GREP1: variants seen among roughly 807,000 people sequenced by gnomAD.
The protein encoded by GREP1 is glycine rich extracellular protein 1.
intron 13 of GREP1, 96 bp downstream of exon 14, chr16:2,995,058 G>A: frequency 2.5e-6 from 1 of 398,354 alleles, no homozygotes; most frequent in Non-Finnish European, 4.4e-6. Flanking sequence ...GGGTGACGGG[G>A]CGTCTCCAAG....
At position 2,993,525 on chromosome 16, in the gene GREP1, G is replaced by T. The variant is rs1389269459; in HGVS notation, c.385+562G>T. The T allele has an allele frequency of 2.0e-5, 3 of 152,030 alleles. No individual in the cohort carries two copies. The East Asian group carries it at 5.8e-4, about 29-fold the overall frequency. 9.4% of individuals were successfully genotyped at this position (152,030 alleles called of 1,614,324 possible). A position where few individuals can be genotyped will look rare whatever the true frequency, so the allele number is the denominator to read the frequency against. ...TCTACAAAAAAAAAAAACCTAGCCA[G>T]TTGTGGTGGCACGTGCCTGTAGTCC... On this transcript the variant is annotated intron_variant, in intron 10 of 34. Transcript: ENST00000573315.
In GREP1 at chr16:2,991,204, G is replaced by A; in HGVS notation, c.322+103G>A. 2 of 398,606 alleles carry A rather than the reference G, an allele frequency of 5.0e-6. No individual in the cohort carries two copies. The highest frequency in any genetic ancestry group is 8.9e-6 in the Non-Finnish European group (2 of 225,986). 24.7% of individuals were successfully genotyped at this position (398,606 alleles called of 1,614,324 possible). A position where few individuals can be genotyped will look rare whatever the true frequency, so the allele number is the denominator to read the frequency against. On this transcript the variant is annotated intron_variant, in intron 8 of 34. Transcript: ENST00000573315. This position sits in a 1 kb window ranked among gnomAD's most constrained non-coding sequence, Gnocchi z 4.9. ...GGAGCTGGGAGAGCTGGGCTCTGGA[G>A]GGAGGGCAGGGCTCAGCCACTCTGT... is the stretch of plus-strand genomic sequence containing the variant.
In GREP1 at chr16:2,991,335, C is replaced by T; in HGVS notation, c.322+234C>T. The T allele has an allele frequency of 2.6e-6, 1 of 384,096 alleles. No homozygotes were observed. The highest frequency in any genetic ancestry group is 4.6e-6 in the Non-Finnish European group (1 of 217,526). 23.8% of individuals were successfully genotyped at this position (384,096 alleles called of 1,614,324 possible). On this transcript the variant is annotated intron_variant, in intron 8 of 34. Coordinates refer to ENST00000573315, the Ensembl canonical transcript of GREP1. The surrounding 1 kb of genome is among the most constrained non-coding windows in gnomAD (Gnocchi z 4.9). ...CCAGGCGCCTCTGGGTCCCTCAAGC[C>T]TGCCCACCCCACCGCTCATGGCCCT... is the stretch of plus-strand genomic sequence containing the variant.
Position 2,991,311 on chromosome 16 carries a change from C to T in GREP1, c.322+210C>T, listed in dbSNP as rs1326283637. 3 of 391,040 alleles carry T rather than the reference C, an allele frequency of 7.7e-6. No homozygotes were observed. The highest frequency in any genetic ancestry group is 1.4e-5 in the Non-Finnish European group (3 of 221,974). The allele number at this position is 391,040 out of a possible 1,614,324, so 24.2% of individuals were successfully genotyped here. On this transcript the variant is annotated intron_variant, in intron 8 of 34. Coordinates refer to ENST00000573315, the Ensembl canonical transcript of GREP1. This position sits in a 1 kb window ranked among gnomAD's most constrained non-coding sequence, Gnocchi z 4.9. ...CTGCCCCGCCTTGCCCACTTATATC[C>T]AGGCGCCTCTGGGTCCCTCAAGCCT... is the stretch of plus-strand genomic sequence containing the variant.
In GREP1 at chr16:2,992,208, C is replaced by G. The variant is rs2072402775; in HGVS notation, c.323-597C>G. 1 of 152,276 alleles carries G rather than the reference C, an allele frequency of 6.6e-6. No homozygotes were observed. 9.4% of individuals were successfully genotyped at this position (152,276 alleles called of 1,614,324 possible). A position where few individuals can be genotyped will look rare whatever the true frequency, so the allele number is the denominator to read the frequency against. On this transcript the variant is annotated intron_variant, in intron 8 of 34. Coordinates refer to ENST00000573315, the Ensembl canonical transcript of GREP1. The surrounding 1 kb of genome is among the most constrained non-coding windows in gnomAD (Gnocchi z 4.9). ...TGGACCACACTGGGATTCTAGAAGACACAGGGAAGAACCAGGGGATATCAG... is the reference window on the plus strand; with the variant it reads ...TGGACCACACTGGGATTCTAGAAGAGACAGGGAAGAACCAGGGGATATCAG...
chr16:3,001,695 C>T (rs1416451956), exon 35 of GREP1: 2 of 398,808 alleles, frequency 5.0e-6, no homozygotes, highest in Non-Finnish European at 8.8e-6. Flanking sequence ...AAACGTGCTT[C>T]CCTGCTTGCC....
In GREP1 at chr16:2,991,265, G is replaced by T; in HGVS notation, c.322+164G>T. ...GCCTGGGAGTGGGCGTGAAACCTCC[G>T]AAGCCAGGTGAGGCAGAGCCCTGCC... is the stretch of plus-strand genomic sequence containing the variant. On this transcript the variant is annotated intron_variant, in intron 8 of 34. Coordinates refer to ENST00000573315, the Ensembl canonical transcript of GREP1. This position sits in a 1 kb window ranked among gnomAD's most constrained non-coding sequence, Gnocchi z 4.9. 2.5e-6 allele frequency: 1 copy of T among 395,904 alleles called. No homozygotes were observed. The highest frequency in any genetic ancestry group is 3.6e-5 in the East Asian group (1 of 27,912). 24.5% of individuals were successfully genotyped at this position (395,904 alleles called of 1,614,324 possible). A position where few individuals can be genotyped will look rare whatever the true frequency, so the allele number is the denominator to read the frequency against.
chr16:2,995,580 C>A (rs1316005364), intron 15 of GREP1, 39 bp from the exon 16 acceptor site: 4 of 398,738 alleles, frequency 1.0e-5, no homozygotes, highest in South Asian at 1.3e-4. Flanking sequence ...CCACCTCAAC[C>A]AAACCCCAAA....
intron 5 of GREP1, 143 bp downstream of exon 5, chr16:2,990,265 CT>C: frequency 2.5e-6 from 1 of 397,984 alleles, no homozygotes; most frequent in Non-Finnish European, 4.4e-6. Flanking sequence ...GTTCAAGGGT[CT>C]TGTACCCCCA....
chr16:2,999,916 A>G (rs958024618), exon 28 of GREP1: 14 of 398,826 alleles, frequency 3.5e-5, no homozygotes, highest in African/African-American at 1.6e-4. Context: ...CCAGCCTCCA[A>G]ATGGCTATGG....
intron 10 of GREP1, chr16:2,993,800 A>G (rs893558374): frequency 2.0e-5 from 3 of 152,158 alleles, no homozygotes; most frequent in African/African-American, 7.2e-5. Flanking sequence ...TCTACTGAAA[A>G]TACAAAAAAA....
In GREP1 at chr16:2,989,872, C is replaced by T; in HGVS notation, c.131-102C>T. 1 of 398,844 alleles carries T rather than the reference C, an allele frequency of 2.5e-6. No homozygotes were observed. The highest frequency in any genetic ancestry group is 4.4e-5 in the Admixed American group (1 of 22,732). 24.7% of individuals were successfully genotyped at this position (398,844 alleles called of 1,614,324 possible). On this transcript the variant is annotated intron_variant, in intron 3 of 34. Transcript: ENST00000573315. The surrounding 1 kb of genome is among the most constrained non-coding windows in gnomAD (Gnocchi z 4.2). ...AGCCCTCCCCCATCATGGGAAGGGA[C>T]TGAGTTCCCACAGGCCCACTGCTTG...
At chr16:2,994,262 C>CT (rs1170627320) in intron 10 of GREP1, 1 of 153,048 alleles carries the variant, frequency 6.5e-6, no homozygotes, top group African/African-American at 2.4e-5. Context: ...AATCCCAGCA[C>CT]TTTGGGAGGC....
intron 10 of GREP1, chr16:2,993,212 A>G: frequency 3.0e-6 from 1 of 330,552 alleles, no homozygotes; most frequent in Non-Finnish European, 5.5e-6. Flanking sequence ...CTGAGCAGAG[A>G]GGAAGGGATG....
At position 2,991,395 on chromosome 16, in the gene GREP1, G is replaced by A. The variant is rs972339841; in HGVS notation, c.322+294G>A. The stretch of plus-strand genomic sequence containing the variant: ...CTCCCCAGGATTGGGGAGCAGAAGT[G>A]GTTTGGGCGCTGGCACTCTTCCAGG... On this transcript the variant is annotated intron_variant, in intron 8 of 34. Transcript: ENST00000573315. The surrounding 1 kb of genome is among the most constrained non-coding windows in gnomAD (Gnocchi z 4.9). 3 of 323,008 alleles carry A rather than the reference G, an allele frequency of 9.3e-6. No individual in the cohort carries two copies. Among genetic ancestry groups the A allele is most frequent in the Admixed American group, 5.0e-5 (1 of 20,136 alleles). The allele number at this position is 323,008 out of a possible 1,614,324, so 20.0% of individuals were successfully genotyped here. A position where few individuals can be genotyped will look rare whatever the true frequency, so the allele number is the denominator to read the frequency against.
rs889904980 is a variant in GREP1 at position 2,992,877 on chromosome 16, T to C, written c.352+43T>C. 2 of 398,940 alleles carry C rather than the reference T, an allele frequency of 5.0e-6. No homozygotes were observed. The highest frequency in any genetic ancestry group is 8.8e-6 in the Non-Finnish European group (2 of 226,084). The allele number at this position is 398,940 out of a possible 1,614,324, so 24.7% of individuals were successfully genotyped here. A position where few individuals can be genotyped will look rare whatever the true frequency, so the allele number is the denominator to read the frequency against. On this transcript the variant is annotated intron_variant, in intron 9 of 34. Coordinates refer to ENST00000573315, the Ensembl canonical transcript of GREP1. This position sits in a 1 kb window ranked among gnomAD's most constrained non-coding sequence, Gnocchi z 4.9. ...GGAAGCGGGGAGCCTGGGGCTGAGA[T>C]TCTGGGCACAGGCCCAGAGGAAAGG... is the stretch of plus-strand genomic sequence containing the variant.
At chr16:2,996,554 C>T (rs948336690) in intron 19 of GREP1, 23 bp downstream of exon 18, 20 of 399,288 alleles carry the variant, frequency 5.0e-5, no homozygotes, top group East Asian at 4.6e-4. Flanking sequence ...GGGCCTGGCT[C>T]GCGAGGGGTC....
At chr16:2,998,549 G>A (rs2072440067) in intron 25 of GREP1, 26 bp downstream of exon 23, 1 of 399,054 alleles carries the variant, frequency 2.5e-6, no homozygotes, top group African/African-American at 2.1e-5. Context: ...CCAGGGGTGG[G>A]GGCCCAGGAG....
chr16:2,999,877 G>C, intron 27 of GREP1, 25 bp from the exon 25 acceptor site: 1 of 399,024 alleles, frequency 2.5e-6, no homozygotes, highest in Non-Finnish European at 4.4e-6. Context: ...TGGGTCCCCC[G>C]CACTGACTTC....
Sources: allele counts gnomAD v4.1 joint callset, GRCh38; gene constraint gnomAD v4.1.1; non-coding constraint Gnocchi (gnomAD v3.1); transcripts MANE v1.5; gene names NCBI Gene and HGNC (gene_info 2026-07-23, HGNC 2026-07-21).